Variants in PCDHGB5 observed in about 807,000 individuals in gnomAD.
PCDHGB5 encodes protocadherin gamma subfamily B, 5.
Under a neutral mutation model 62.9 loss-of-function variants are expected in PCDHGB5, and 48 were observed. The ratio of observed to expected loss-of-function variants is 0.76; its 90% confidence interval spans 0.61 to 0.97. PCDHGB5 has a LOEUF of 0.97. Among genes scored for constraint, PCDHGB5 ranks in the 50% least tolerant of loss-of-function variants. The pLI is 0.00. For synonymous variants in PCDHGB5, 474 were observed against 511.2 expected, an observed-to-expected ratio of 0.93 and a Z score of 0.98; for missense variants, 1,118 against 1,198.6, an observed-to-expected ratio of 0.93 and a Z score of 0.99.
chr5:141,459,989 A>G (rs2098979714), intron 1 of PCDHGB5, among the ~76,000 whole-genome samples: 1 of 152,204 alleles, frequency 6.6e-6, no homozygotes, highest in Non-Finnish European at 1.5e-5. Flanking sequence ...GAGACAGGAG[A>G]ATCGCTTGAA....
At position 141,447,418 on chromosome 5, in the gene PCDHGB5, G is replaced by A. The variant is rs113957183; in HGVS notation, c.2397+46894G>A. On this transcript the variant is annotated intron_variant, in intron 1 of 3. Transcript: ENST00000617380. ...CTCCCAAAGTGCTGGGATTACAGGC[G>A]TGAGCCACCGCACCCGGAGGAAATT... Among the ~76,000 whole-genome samples, 1,263 of 152,230 alleles carry A rather than the reference G, an allele frequency of 8.3e-3. 17 individuals carry two copies. The highest frequency in any genetic ancestry group is 0.029 in the African/African-American group (1,197 of 41,538).
chr5:141,494,449 G>A (rs185095384), intron 1 of PCDHGB5, among the ~76,000 whole-genome samples: 2 of 152,254 alleles, frequency 1.3e-5, no homozygotes, highest in East Asian at 3.9e-4. Flanking sequence ...CACTTTAGGG[G>A]GCTTTGTCTG....
At chr5:141,409,587 C>G (rs13184186) in intron 1 of PCDHGB5, 1 of 1,613,902 alleles carries the variant, frequency 6.2e-7, no homozygotes, top group Non-Finnish European at 8.5e-7. Context: ...GTCCACGTGG[C>G]CGAGAACAAC....
At chr5:141,483,273 T>G (rs6860615) in intron 1 of PCDHGB5, among the ~76,000 whole-genome samples, 62,442 of 151,936 alleles carry the variant, frequency 0.41, 15,417 homozygotes, top group African/African-American at 0.7. Flanking sequence ...GTTTTAGAAA[T>G]ATTATTCTGT....
chr5:141,439,716 C>T (rs2098127719), intron 1 of PCDHGB5: 1 of 152,476 alleles, frequency 6.6e-6, no homozygotes, highest in Non-Finnish European at 1.5e-5. Flanking sequence ...CCTAGTTCTA[C>T]AAATTATAAG....
chr5:141,489,563 T>C lies in PCDHGB5; in HGVS notation c.2398-5244T>C, dbSNP rs2099689031. ...ACCAGCTGCCTGCTGCCAGTGCAGG[T>C]GGTGACTGAACACCCCCTGGAGCTA... On this transcript the variant is annotated intron_variant, in intron 1 of 3. Coordinates refer to ENST00000617380, the MANE Select transcript of PCDHGB5 (RefSeq NM_018925.3). The surrounding 1 kb of genome is among the most constrained non-coding windows in gnomAD (Gnocchi z 4.5). 13 of 1,614,006 alleles carry C rather than the reference T, an allele frequency of 8.1e-6. No homozygotes were observed. The highest frequency in any genetic ancestry group is 1.1e-5 in the Non-Finnish European group (13 of 1,179,976).
In PCDHGB5 at chr5:141,476,653, C is replaced by T; in HGVS notation, c.2398-18154C>T. ...CCTATGAGCTGAGCCGAAATGAATA[C>T]TTTGCGCTTCGCGTGCAGACGCGGG... is the stretch of plus-strand genomic sequence containing the variant. On this transcript the variant is annotated intron_variant, in intron 1 of 3. Transcript: ENST00000617380. The surrounding 1 kb of genome is among the most constrained non-coding windows in gnomAD (Gnocchi z 7.6). 6.2e-7 allele frequency: 1 copy of T among 1,614,270 alleles called. No individual in the cohort carries two copies. The highest frequency in any genetic ancestry group is 8.5e-7 in the Non-Finnish European group (1 of 1,180,058).
chr5:141,427,265 C>G (rs767369457), intron 1 of PCDHGB5: 1 of 456,688 alleles, frequency 2.2e-6, no homozygotes, highest in Non-Finnish European at 4.4e-6. Context: ...GCATGACCAG[C>G]GAATGTAAAA....
chr5:141,423,185 C>T (rs996177363), intron 1 of PCDHGB5: 7 of 1,613,492 alleles, frequency 4.3e-6, no homozygotes, highest in Non-Finnish European at 5.9e-6. Context: ...CACGGCCAGC[C>T]CCCTCTCTCG....
chr5:141,413,352 G>A (rs896091511), intron 1 of PCDHGB5: 1 of 1,613,976 alleles, frequency 6.2e-7, no homozygotes, highest in African/African-American at 1.3e-5. Flanking sequence ...TGGGTCTGGC[G>A]CCCCGGGAGC....
intron 1 of PCDHGB5, chr5:141,408,720 A>G (rs1325828281): frequency 6.2e-7 from 1 of 1,611,214 alleles, no homozygotes; most frequent in African/African-American, 1.3e-5. Context: ...TATAAGATAA[A>G]CTCTAATCCT....
chr5:141,419,117 G>T (rs1362880648), intron 1 of PCDHGB5: 1 of 1,613,718 alleles, frequency 6.2e-7, no homozygotes, highest in African/African-American at 1.3e-5. Context: ...AGAGTACAAC[G>T]TCACCATCGC....
chr5:141,472,412 G>A (rs1283620276), intron 1 of PCDHGB5, among the ~76,000 whole-genome samples: 8 of 151,940 alleles, frequency 5.3e-5, no homozygotes, highest in Non-Finnish European at 8.8e-5. Context: ...GTGGTGGCAC[G>A]CACCTGTATC....
Position 141,487,491 on chromosome 5 carries a change from C to T in PCDHGB5, c.2398-7316C>T. ...GTGGGAGGCCACTCTCATGGCTGTA[C>T]ACCCTTGGCTTCTGCACCCACTCGG... is the stretch of plus-strand genomic sequence containing the variant. On this transcript the variant is annotated intron_variant, in intron 1 of 3. Transcript: ENST00000617380. This position sits in a 1 kb window ranked among gnomAD's most constrained non-coding sequence, Gnocchi z 5.0. 6.2e-7 allele frequency: 1 copy of T among 1,614,204 alleles called. No individual in the cohort carries two copies. Among genetic ancestry groups the T allele is most frequent in the Non-Finnish European group, 8.5e-7 (1 of 1,180,034 alleles).
rs1048686904 is a variant in PCDHGB5, at chr5:141,410,286, C to T, written c.2397+9762C>T. 3.7e-6 allele frequency: 6 copies of T among 1,613,916 alleles called. No homozygotes were observed. The African/African-American group carries it at 6.7e-5, about 18-fold the overall frequency. On this transcript the variant is annotated intron_variant, in intron 1 of 3. Transcript: ENST00000617380. Reference sequence around the variant, plus strand: ...GAACTGCAGTTTTACCTGGTGGTGGCCTTGGCCTTAATCTCAGTGCTCTTC... The same window carrying T: ...GAACTGCAGTTTTACCTGGTGGTGGTCTTGGCCTTAATCTCAGTGCTCTTC...
At chr5:141,456,731 G>A (rs1282690673) in intron 1 of PCDHGB5, among the ~76,000 whole-genome samples, 1 of 152,214 alleles carries the variant, frequency 6.6e-6, no homozygotes, top group Non-Finnish European at 1.5e-5. Flanking sequence ...TTGGGAGGCT[G>A]AGGCGGGAGC....
intron 1 of PCDHGB5, chr5:141,423,323 C>T (rs200492485): frequency 6.2e-7 from 1 of 1,614,146 alleles, no homozygotes; most frequent in East Asian, 2.2e-5. Flanking sequence ...GTGGCGGTGG[C>T]CGCAGTCTCC....
Position 141,398,812 on chromosome 5 carries a change from C to A in PCDHGB5, c.685C>A (p.Arg229=). 1 of 1,613,942 alleles carries A rather than the reference C, an allele frequency of 6.2e-7. No individual in the cohort carries two copies. Among genetic ancestry groups the A allele is most frequent in the South Asian group, 1.1e-5 (1 of 91,080 alleles). Residue 229 remains arginine (R), a synonymous_variant, in exon 1 of 4, where the codon CGG becomes AGG. Coordinates refer to ENST00000617380, the MANE Select transcript of PCDHGB5 (RefSeq NM_018925.3). The part of the protein sequence containing the change: ...HPPLSGTTEL[R]IQVTDANDNP... ...ACCCCTAAGCGGCACCACTGAGCTC[C>A]GGATCCAGGTAACCGACGCCAATGA...
At chr5:141,481,560 G>A (rs1594155886) in intron 1 of PCDHGB5, among the ~76,000 whole-genome samples, 1 of 152,212 alleles carries the variant, frequency 6.6e-6, no homozygotes, top group Non-Finnish European at 1.5e-5. Flanking sequence ...GCTCACGCCT[G>A]TAATCCCAGT....
Sources: allele counts gnomAD v4.1 joint callset (sites outside exome capture counted in the v4.1 genomes callset), GRCh38; gene constraint gnomAD v4.1.1; non-coding constraint Gnocchi (gnomAD v3.1); transcripts MANE v1.5; gene names NCBI Gene and HGNC (gene_info 2026-07-23, HGNC 2026-07-21).